The following DPPA4 variants were observed in gnomAD, a reference collection of about 807,000 sequenced individuals.
DPPA4 encodes the protein developmental pluripotency-associated protein 4.
A neutral mutation model predicts 33.7 loss-of-function variants in DPPA4; 22 were observed. The observed-to-expected ratio is 0.65, with a 90% CI of 0.47 to 0.93. The LOEUF (loss-of-function observed/expected upper bound fraction) is 0.93. DPPA4 is among the 40% of genes least tolerant of loss of function. DPPA4 has a pLI of 0.00. For synonymous variants in DPPA4, 156 were observed against 132.3 expected (o/e 1.18, Z -1.23); for missense variants, 340 against 358.6 (o/e 0.95, Z 0.42).
chr3:109,333,493 G>A (rs557859268), intron 2 of DPPA4: 1 of 197,866 alleles, frequency 5.1e-6, no homozygotes, highest in Non-Finnish European at 1.0e-5. Context: ...CATTCCCACC[G>A]CTTAATAAAG....
chr3:109,330,766 T>G lies in DPPA4; in HGVS notation c.437A>C (p.Gln146Pro). 6.2e-7 allele frequency: 1 copy of G among 1,613,632 alleles called. No homozygotes were observed. The highest frequency in any genetic ancestry group is 8.5e-7 in the Non-Finnish European group (1 of 1,179,896). Reference sequence around the variant, plus strand: ...CCCCTTTTCCACCTTTAATTTTTTTTGCAATGATTTCCGGATTTTGGCCTC... The same window carrying G: ...CCCCTTTTCCACCTTTAATTTTTTTGGCAATGATTTCCGGATTTTGGCCTC... Reference protein sequence around the residue: ...AKEAKIRKSLQKKLKVEKGET... With the variant: ...AKEAKIRKSLPKKLKVEKGET... Residue 146 changes from glutamine to proline, a missense_variant, in exon 5 of 7, where the codon CAA becomes CCA. This residue lies in a region of DPPA4 where 212 missense variants were observed against 206.5 expected (regional missense o/e 1.03). Coordinates refer to ENST00000335658, the MANE Select transcript of DPPA4 (RefSeq NM_018189.4).
upstream of DPPA4, chr3:109,337,689 G>A (rs560922108): frequency 2.5e-4 from 157 of 633,190 alleles, 2 homozygotes; most frequent in South Asian, 2.9e-3. Context: ...TTCATGGGGT[G>A]ACTTTTGTCT....
At chr3:109,331,588 A>AG (rs1708081223) in intron 4 of DPPA4, 146 bp downstream of exon 4, 3 of 584,780 alleles carry the variant, frequency 5.1e-6, no homozygotes. Flanking sequence ...AAGAAAAAAA[A>AG]GAGAAGTAGA....
Position 109,334,304 on chromosome 3 carries a change from T to C in DPPA4, c.55-311A>G, listed in dbSNP as rs372498737. ...GCTCACGCCTGTAGTCTGAGTGCTA[T>C]AGGAGGCCTAGGCAAGAGGATTGCT... On this transcript the variant is annotated intron_variant, in intron 1 of 6. Coordinates refer to ENST00000335658, the MANE Select transcript of DPPA4 (RefSeq NM_018189.4). Among the ~76,000 whole-genome samples, 12 of 152,296 alleles carry C rather than the reference T, an allele frequency of 7.9e-5. No individual in the cohort carries two copies. The South Asian group carries it at 8.3e-4, about 11-fold the overall frequency.
chr3:109,336,082 A>G (rs1708189713), intron 1 of DPPA4, among the ~76,000 whole-genome samples: 1 of 151,654 alleles, frequency 6.6e-6, no homozygotes, highest in Non-Finnish European at 1.5e-5. Context: ...GAACCCGGGA[A>G]GCAGAGGCTG....
In DPPA4 at chr3:109,328,954, G is replaced by A. The variant is rs1364393032; in HGVS notation, c.814C>T (p.Pro272Ser). The A allele has an allele frequency of 6.2e-7, 1 of 1,613,932 alleles. No homozygotes were observed. The highest frequency in any genetic ancestry group is 8.5e-7 in the Non-Finnish European group (1 of 1,180,028). Residue 272 changes from proline (P) to serine (S), a missense_variant, in exon 6 of 7, where the codon CCT becomes TCT. By Grantham distance (74) the Pro-to-Ser change is moderately conservative. Coordinates refer to ENST00000335658, the MANE Select transcript of DPPA4 (RefSeq NM_018189.4). ...TGCGGGGGTGGAAAATTGGAGGCAG[G>A]AAGCAAGAAGAGTGCACTCACTCTC... ...EGRVSALFLL[P>S]ASNFPPPHLE...
chr3:109,339,123 A>G (rs147615926), upstream of DPPA4, among the ~76,000 whole-genome samples: 247 of 142,046 alleles, frequency 1.7e-3, 19 homozygotes, highest in African/African-American at 7.2e-3. Context: ...CTGGAGAGGC[A>G]GAGGTTGCAG....
At chr3:109,333,228 C>G (rs1708118978) in intron 2 of DPPA4, among the ~76,000 whole-genome samples, 1 of 151,666 alleles carries the variant, frequency 6.6e-6, no homozygotes, top group Non-Finnish European at 1.5e-5. Flanking sequence ...GCAATCCTAG[C>G]TAACTTGGGA....
intron 2 of DPPA4, among the ~76,000 whole-genome samples, chr3:109,332,377 A>T (rs1328796486): frequency 6.6e-6 from 1 of 152,256 alleles, no homozygotes; most frequent in East Asian, 1.9e-4. Context: ...CTGAGATTAC[A>T]GGCCTAAGCC....
At position 109,330,590 on chromosome 3, in the gene DPPA4, A is replaced by C. The variant is rs977994190; in HGVS notation, c.613T>G (p.Ser205Ala). ...GCCCTGGCTGAAATTCTCGCCCAGG[A>C]GGCCAGCAAAGCCTCTGGGGCAGAA... ...TTSAPEALLASWARISARART... is the reference protein window; with the variant it reads ...TTSAPEALLAAWARISARART... Residue 205 changes from serine (S) to alanine (A), a missense_variant, in exon 5 of 7, where the codon TCC becomes GCC. By Grantham distance (99) the Ser-to-Ala change is moderately conservative (BLOSUM62 1). This residue lies in a region of DPPA4 where 212 missense variants were observed against 206.5 expected (regional missense o/e 1.03). Coordinates refer to ENST00000335658, the MANE Select transcript of DPPA4 (RefSeq NM_018189.4). 16 of 1,614,122 alleles carry C rather than the reference A, an allele frequency of 9.9e-6. No homozygotes were observed. The highest frequency in any genetic ancestry group is 1.2e-5 in the Non-Finnish European group (14 of 1,180,016).
At chr3:109,329,233 T>G in intron 5 of DPPA4, 145 bp from the exon 6 acceptor site, 1 of 727,356 alleles carries the variant, frequency 1.4e-6, no homozygotes, top group Non-Finnish European at 2.3e-6. Context: ...TCTATTCTGT[T>G]CTCCTTTAGA....
chr3:109,328,579 A>G (rs1175343776), intron 6 of DPPA4, among the ~76,000 whole-genome samples: 1 of 152,128 alleles, frequency 6.6e-6, no homozygotes, highest in Non-Finnish European at 1.5e-5. Flanking sequence ...TTAAGACTGT[A>G]GGCTACTTAA....
In DPPA4 at chr3:109,330,284, A is replaced by G. The variant is rs1398194497; in HGVS notation, c.679+240T>C. The G allele has an allele frequency of 1.2e-5, 5 of 428,318 alleles. No individual in the cohort carries two copies. The Admixed American group carries it at 1.9e-4, about 16-fold the overall frequency. The allele number at this position is 428,318 out of a possible 1,614,324, so 26.5% of individuals were successfully genotyped here. On this transcript the variant is annotated intron_variant, in intron 5 of 6. Transcript: ENST00000335658. ...GCCACTGCACTCTAGCCTGGGCAAC[A>G]AGGGAGAAACTGTCTCAAAAAAAAA...
chr3:109,329,771 T>C (rs1708018419), intron 5 of DPPA4: 1 of 152,548 alleles, frequency 6.6e-6, no homozygotes, highest in Non-Finnish European at 1.5e-5. Flanking sequence ...AAGGTAGGTA[T>C]TACCCATTTT....
rs142452442 is a variant in DPPA4 at position 109,330,515 on chromosome 3, T to G, written c.679+9A>C. 3 of 1,613,446 alleles carry G rather than the reference T, an allele frequency of 1.9e-6. No individual in the cohort carries two copies. Among genetic ancestry groups the G allele is most frequent in the South Asian group, 1.1e-5 (1 of 91,040 alleles). ...TTGGACCAGAATAAGCTCTTCATGT[T>G]GCGCTTACCAGAGGCCTCTTGTGGA... On this transcript the variant is annotated intron_variant, in intron 5 of 6. Coordinates refer to ENST00000335658, the MANE Select transcript of DPPA4 (RefSeq NM_018189.4).
At chr3:109,334,718 T>C (rs1402549122) in intron 1 of DPPA4, among the ~76,000 whole-genome samples, 4 of 152,166 alleles carry the variant, frequency 2.6e-5, no homozygotes, top group African/African-American at 9.7e-5. Context: ...GTCTTTAACA[T>C]TACCTACCAG....
chr3:109,327,758 T>C lies in DPPA4; in HGVS notation c.*230A>G, dbSNP rs1043711126. On this transcript the variant is annotated 3_prime_UTR_variant, in exon 7 of 7. Coordinates refer to ENST00000335658, the MANE Select transcript of DPPA4 (RefSeq NM_018189.4). ...TTTTCTACATATTAACTACAATTTA[T>C]GGTAATTTGTGAAATGTTTTTCCAT... 4.8e-5 allele frequency: 21 copies of C among 438,806 alleles called. 1 individual carries two copies. The South Asian group carries it at 9.4e-4, about 20-fold the overall frequency. The allele number at this position is 438,806 out of a possible 1,614,324, so 27.2% of individuals were successfully genotyped here. A position where few individuals can be genotyped will look rare whatever the true frequency, so the allele number is the denominator to read the frequency against.
intron 6 of DPPA4, 58 bp downstream of exon 6, chr3:109,328,832 T>C: frequency 6.7e-7 from 1 of 1,483,572 alleles, no homozygotes. Flanking sequence ...ATCTTAACTT[T>C]CTGCAATTGA....
intron 2 of DPPA4, chr3:109,333,628 A>G (rs1352812406): frequency 6.6e-6 from 2 of 302,256 alleles, no homozygotes; most frequent in Non-Finnish European, 1.2e-5. Context: ...TAGCAAGTGA[A>G]GGAAAAAATG....
Sources: allele counts gnomAD v4.1 joint callset (sites outside exome capture counted in the v4.1 genomes callset), GRCh38; gene constraint gnomAD v4.1.1; regional missense constraint gnomAD v4.1.1; transcripts MANE v1.5; gene names NCBI Gene and HGNC (gene_info 2026-07-23, HGNC 2026-07-21).